The following CENPW variants were observed in gnomAD, a reference collection of about 807,000 sequenced individuals.
CENPW encodes the protein centromere protein W, also known as cancer-up-regulated gene 2 protein.
Under a neutral mutation model 11.1 loss-of-function variants are expected in CENPW, and 3 were observed. The ratio of observed to expected loss-of-function variants is 0.27; its 90% CI spans 0.12 to 0.70. The LOEUF is 0.70. CENPW is among the 30% of genes least tolerant of loss of function. The pLI, the probability that CENPW is intolerant of heterozygous loss-of-function variation, is 0.77. For synonymous variants in CENPW, 38 were observed against 42.0 expected (o/e 0.91, Z 0.37); for missense variants, 100 against 105.6 (o/e 0.95, Z 0.23).
the CENPW span, among the ~76,000 whole-genome samples, chr6:126,438,051 TA>T: frequency 6.6e-6 from 1 of 151,676 alleles, no homozygotes; most frequent in Non-Finnish European, 1.5e-5. Context: ...GAGAGACCTT[TA>T]AAATTGCCAT....
chr6:126,473,160 GA>G, the CENPW span, among the ~76,000 whole-genome samples: 1 of 152,102 alleles, frequency 6.6e-6, no homozygotes, highest in Non-Finnish European at 1.5e-5. Flanking sequence ...TTCACCTACT[GA>G]AGGACATCTT....
chr6:126,355,740 G>A, the CENPW span, among the ~76,000 whole-genome samples: 5 of 151,994 alleles, frequency 3.3e-5, no homozygotes, highest in African/African-American at 4.8e-5. Flanking sequence ...GAGTACTTGC[G>A]CTGTCTTAAA....
the CENPW span, among the ~76,000 whole-genome samples, chr6:126,457,479 A>G: frequency 6.6e-6 from 1 of 151,458 alleles, no homozygotes; most frequent in African/African-American, 2.4e-5. Context: ...CAAATACTGT[A>G]TGTTCACATT....
chr6:126,426,378 T>C, the CENPW span, among the ~76,000 whole-genome samples: 1 of 152,142 alleles, frequency 6.6e-6, no homozygotes, highest in African/African-American at 2.4e-5. Context: ...AAGCTACTAG[T>C]GCCTCCTGAA....
chr6:126,354,759 A>C, the CENPW span, among the ~76,000 whole-genome samples: 1 of 152,086 alleles, frequency 6.6e-6, no homozygotes, highest in African/African-American at 2.4e-5. Context: ...ACTGTAGCAG[A>C]TCTTTGCTCT....
chr6:126,407,814 G>C, the CENPW span, among the ~76,000 whole-genome samples: 4 of 152,180 alleles, frequency 2.6e-5, no homozygotes, highest in South Asian at 8.3e-4. Flanking sequence ...TAAGTTCCTT[G>C]TAGACTCTTG....
downstream of CENPW, among the ~76,000 whole-genome samples, chr6:126,352,174 G>A (rs1470944271): frequency 6.6e-6 from 1 of 152,120 alleles, no homozygotes; most frequent in Non-Finnish European, 1.5e-5. Context: ...AGGCACACAT[G>A]TGCTGCTTAT....
chr6:126,372,899 C>G, the CENPW span, among the ~76,000 whole-genome samples: 2 of 152,140 alleles, frequency 1.3e-5, no homozygotes, highest in Admixed American at 6.5e-5. Context: ...ATTCTATGCC[C>G]TGGAGTACTA....
the CENPW span, among the ~76,000 whole-genome samples, chr6:126,465,023 G>A: frequency 3.3e-5 from 5 of 152,022 alleles, no homozygotes; most frequent in South Asian, 4.2e-4. Context: ...ACAATCAGGC[G>A]AGAAAAAGAA....
the CENPW span, among the ~76,000 whole-genome samples, chr6:126,446,344 G>T: frequency 6.7e-6 from 1 of 149,314 alleles, no homozygotes; most frequent in Non-Finnish European, 1.5e-5. Flanking sequence ...AACTTCAAAT[G>T]ACCCCCTCCC....
the CENPW span, among the ~76,000 whole-genome samples, chr6:126,368,265 T>C: frequency 2.0e-5 from 3 of 152,216 alleles, no homozygotes; most frequent in Non-Finnish European, 2.9e-5. Flanking sequence ...TTTTATCTTA[T>C]TGACTTGTAT....
chr6:126,341,090 C>G (rs1377189252), intron 1 of CENPW, among the ~76,000 whole-genome samples: 1 of 152,212 alleles, frequency 6.6e-6, no homozygotes, highest in East Asian at 1.9e-4. Flanking sequence ...CCCATAATAC[C>G]TGAAGCATAA....
the CENPW span, among the ~76,000 whole-genome samples, chr6:126,363,145 G>A: frequency 6.6e-6 from 1 of 152,130 alleles, no homozygotes; most frequent in Non-Finnish European, 1.5e-5. Flanking sequence ...TGGGATTTCT[G>A]TGTTGAGTTC....
At chr6:126,364,036 C>T in the CENPW span, among the ~76,000 whole-genome samples, 1 of 152,132 alleles carries the variant, frequency 6.6e-6, no homozygotes, top group Non-Finnish European at 1.5e-5. Context: ...AATTGTCTTG[C>T]TCACACTCCT....
rs1780455364 is a variant in CENPW at position 126,348,704 on chromosome 6, T to G, written c.*212T>G. ...ATGGGAATTACTATTATTTTTATTT[T>G]AAATGTCCTCTAGTTCAGTTTGCTT... On this transcript the variant is annotated 3_prime_UTR_variant, in exon 3 of 3. Transcript: ENST00000368328. The G allele has an allele frequency of 8.4e-6, 3 of 357,764 alleles. No homozygotes were observed. Among genetic ancestry groups the G allele is most frequent in the Admixed American group, 4.9e-5 (1 of 20,552 alleles). The allele number at this position is 357,764 out of a possible 1,614,324, so 22.2% of individuals were successfully genotyped here.
chr6:126,350,638 G>A (rs1168066500), downstream of CENPW, among the ~76,000 whole-genome samples: 2 of 152,052 alleles, frequency 1.3e-5, no homozygotes, highest in Non-Finnish European at 2.9e-5. Flanking sequence ...TCTGTATATT[G>A]ACTTATACAT....
chr6:126,476,883 A>G, the CENPW span, among the ~76,000 whole-genome samples: 1 of 151,990 alleles, frequency 6.6e-6, no homozygotes, highest in South Asian at 2.1e-4. Context: ...CTAAAACCAG[A>G]TGGGTTAATG....
the CENPW span, among the ~76,000 whole-genome samples, chr6:126,465,096 C>A: frequency 1.3e-5 from 2 of 151,954 alleles, no homozygotes; most frequent in African/African-American, 2.4e-5. Context: ...AGGATATGAT[C>A]ATTTATATAG....
chr6:126,402,011 A>G, the CENPW span, among the ~76,000 whole-genome samples: 2 of 151,978 alleles, frequency 1.3e-5, no homozygotes, highest in Admixed American at 1.3e-4. Flanking sequence ...CATTGGCAGC[A>G]CCTATTTTCT....
Sources: allele counts gnomAD v4.1 joint callset (sites outside exome capture counted in the v4.1 genomes callset), GRCh38; gene constraint gnomAD v4.1.1; transcripts MANE v1.5; gene names NCBI Gene and HGNC (gene_info 2026-07-23, HGNC 2026-07-21).